SGCZ: variants seen among roughly 807,000 people sequenced by gnomAD.
SGCZ encodes zeta-sarcoglycan.
Under a neutral mutation model 41.3 loss-of-function variants are expected in SGCZ, and 40 were observed. The observed-to-expected ratio is 0.97, with a 90% CI of 0.75 to 1.26. The LOEUF is 1.26. Ranked by LOEUF, SGCZ falls within the 50% of genes most tolerant of loss-of-function variation. The pLI, the probability that SGCZ is intolerant of heterozygous loss-of-function variation, is 0.00. For missense variants in SGCZ, 552 were observed against 369.8 expected (o/e 1.49, Z -4.04); for synonymous variants, 206 against 137.5 (o/e 1.50, Z -3.49).
At chr8:14,768,614 C>A (rs1800120155) in intron 1 of SGCZ, among the ~76,000 whole-genome samples, 1 of 152,130 alleles carries the variant, frequency 6.6e-6, no homozygotes. Flanking sequence ...CATCCCTTCC[C>A]CATCAGGATC....
chr8:14,100,789 T>C (rs905944007), intron 7 of SGCZ, among the ~76,000 whole-genome samples: 1 of 151,818 alleles, frequency 6.6e-6, no homozygotes, highest in Non-Finnish European at 1.5e-5. Flanking sequence ...TATTCCCCTT[T>C]TGCCTGTATT....
At chr8:14,657,637 T>C (rs933363932) in intron 1 of SGCZ, among the ~76,000 whole-genome samples, 2 of 151,564 alleles carry the variant, frequency 1.3e-5, no homozygotes, top group Non-Finnish European at 1.5e-5. Flanking sequence ...TTCTAACTCT[T>C]TAATCAGATA....
intron 1 of SGCZ, among the ~76,000 whole-genome samples, chr8:14,815,243 C>CTTT (rs35797553): frequency 0.099 from 14,257 of 143,928 alleles, 807 homozygotes; most frequent in East Asian, 0.18. Flanking sequence ...TCTCAATTTT[C>CTTT]TTTTTTTTTT....
chr8:15,220,895 G>A (rs1185767128), intron 1 of SGCZ, among the ~76,000 whole-genome samples: 2 of 152,046 alleles, frequency 1.3e-5, no homozygotes, highest in Non-Finnish European at 2.9e-5. Flanking sequence ...CCATCATTCT[G>A]AGCAAACTAT....
At chr8:14,708,100 T>C (rs778985213) in intron 1 of SGCZ, among the ~76,000 whole-genome samples, 3 of 152,066 alleles carry the variant, frequency 2.0e-5, no homozygotes, top group African/African-American at 4.8e-5. Flanking sequence ...AATTTCAAGT[T>C]AATTTTTCTA....
At chr8:14,290,681 G>T (rs983887952) in intron 3 of SGCZ, among the ~76,000 whole-genome samples, 2 of 151,920 alleles carry the variant, frequency 1.3e-5, no homozygotes, top group African/African-American at 2.4e-5. Flanking sequence ...AAAATTAAAA[G>T]ACACCCAGTG....
At chr8:15,155,799 T>C (rs960778677) in intron 1 of SGCZ, among the ~76,000 whole-genome samples, 1 of 152,182 alleles carries the variant, frequency 6.6e-6, no homozygotes, top group Non-Finnish European at 1.5e-5. Flanking sequence ...GACTTACACC[T>C]GTTATCCTAG....
chr8:14,901,409 G>C (rs1292821884), intron 1 of SGCZ, among the ~76,000 whole-genome samples: 1 of 152,138 alleles, frequency 6.6e-6, no homozygotes, highest in Non-Finnish European at 1.5e-5. Flanking sequence ...CCAATGTAGT[G>C]ACAAACAGGC....
At chr8:14,165,032 A>G (rs1376849262) in intron 4 of SGCZ, 1 of 248,044 alleles carries the variant, frequency 4.0e-6, no homozygotes, top group African/African-American at 2.3e-5. Context: ...TTGGCATCAT[A>G]CCTGGCACCT....
chr8:14,523,512 T>G (rs989583684), intron 2 of SGCZ, among the ~76,000 whole-genome samples: 2 of 152,062 alleles, frequency 1.3e-5, no homozygotes, highest in Admixed American at 6.6e-5. Context: ...GTCGTGACGG[T>G]TTCTGGTGAG....
intron 1 of SGCZ, among the ~76,000 whole-genome samples, chr8:14,758,488 G>A (rs1019383143): frequency 2.0e-4 from 30 of 151,946 alleles, no homozygotes; most frequent in African/African-American, 6.5e-4. Context: ...ACTAACATTC[G>A]AATTGGTTTC....
chr8:14,497,305 C>T (rs144187205), intron 2 of SGCZ, among the ~76,000 whole-genome samples: 4 of 152,214 alleles, frequency 2.6e-5, no homozygotes, highest in Non-Finnish European at 4.4e-5. Context: ...GGGGAGCCAG[C>T]GTGTCTCATG....
intron 1 of SGCZ, among the ~76,000 whole-genome samples, chr8:14,819,539 T>C (rs1314699482): frequency 6.6e-6 from 1 of 152,026 alleles, no homozygotes; most frequent in Non-Finnish European, 1.5e-5. Context: ...CACATGAAAG[T>C]ATGAAACTCT....
At chr8:14,780,116 G>C (rs1278654535) in intron 1 of SGCZ, among the ~76,000 whole-genome samples, 1 of 152,058 alleles carries the variant, frequency 6.6e-6, no homozygotes, top group Non-Finnish European at 1.5e-5. Context: ...GCTCACGCCT[G>C]TAATCCCAGC....
At chr8:14,596,313 A>G (rs987133712) in intron 1 of SGCZ, among the ~76,000 whole-genome samples, 1 of 152,204 alleles carries the variant, frequency 6.6e-6, no homozygotes, top group African/African-American at 2.4e-5. Flanking sequence ...TAGGATAATA[A>G]TACCATAGAT....
At chr8:14,925,155 G>A (rs1403309736) in intron 1 of SGCZ, among the ~76,000 whole-genome samples, 1 of 152,108 alleles carries the variant, frequency 6.6e-6, no homozygotes, top group Non-Finnish European at 1.5e-5. Context: ...ACCAGGCCCA[G>A]CCAAGACATT....
At chr8:14,124,176 A>T (rs1802782623) in intron 5 of SGCZ, among the ~76,000 whole-genome samples, 1 of 152,204 alleles carries the variant, frequency 6.6e-6, no homozygotes, top group South Asian at 2.1e-4. Context: ...ATTTTTAGTA[A>T]TTATAACAGC....
chr8:14,538,328 A>C (rs901325225), intron 2 of SGCZ, among the ~76,000 whole-genome samples: 2 of 151,942 alleles, frequency 1.3e-5, no homozygotes, highest in Admixed American at 1.3e-4. Context: ...TAGAAATATA[A>C]ATAACACACA....
chr8:15,200,001 T>C (rs1323543642), intron 1 of SGCZ, among the ~76,000 whole-genome samples: 3 of 152,206 alleles, frequency 2.0e-5, no homozygotes, highest in Non-Finnish European at 1.5e-5. Context: ...GGCATATTTG[T>C]TGTGGTCTAT....
Sources: allele counts gnomAD v4.1 joint callset (sites outside exome capture counted in the v4.1 genomes callset), GRCh38; gene constraint gnomAD v4.1.1; transcripts MANE v1.5; gene names NCBI Gene and HGNC (gene_info 2026-07-23, HGNC 2026-07-21).